THRA: variants seen among roughly 807,000 people sequenced by gnomAD.
The protein encoded by THRA is EAR-7.
A neutral mutation model predicts 45.0 loss-of-function variants in THRA; 13 were observed. The observed-to-expected ratio is 0.29, with a 90% confidence interval of 0.19 to 0.46. The LOEUF is 0.46. THRA is among the 20% of genes least tolerant of loss of function. The probability of loss-of-function intolerance (pLI) is 1.00; values close to 1 mark genes in which losing one functional copy is unlikely to be tolerated. For missense variants in THRA, 278 were observed against 556.1 expected (o/e 0.50, Z 5.03); for synonymous variants, 195 against 214.0 (o/e 0.91, Z 0.78).
chr17:40,069,083 CCTCT>C (rs1986676967), intron 1 of THRA: 1 of 149,934 alleles, frequency 6.7e-6, no homozygotes, highest in African/African-American at 2.5e-5. Flanking sequence ...TCTCTCCCTC[CCTCT>C]CTCCCTCCCT....
rs1987490708 is a variant in THRA at position 40,090,442 on chromosome 17, C to T, written c.*986C>T. Reference sequence around the variant, plus strand: ...AGTGCCCAGCCCTAGGGGCCTCTCCCCATCCACCTCCTCCTTCCACACCTT... The same window carrying T: ...AGTGCCCAGCCCTAGGGGCCTCTCCTCATCCACCTCCTCCTTCCACACCTT... On this transcript the variant is annotated 3_prime_UTR_variant, in exon 9 of 9. Transcript: ENST00000450525. The T allele has an allele frequency of 6.6e-6, 1 of 152,500 alleles. No individual in the cohort carries two copies. Among genetic ancestry groups the T allele is most frequent in the African/African-American group, 2.4e-5 (1 of 41,426 alleles). The allele number at this position is 152,500 out of a possible 1,614,324, so 9.4% of individuals were successfully genotyped here.
chr17:40,070,985 C>T (rs1884769663), intron 1 of THRA, among the ~76,000 whole-genome samples: 2 of 151,788 alleles, frequency 1.3e-5, no homozygotes, highest in African/African-American at 4.8e-5. Context: ...TCTCTGGCTC[C>T]CCTTTCTTCC....
intron 1 of THRA, among the ~76,000 whole-genome samples, chr17:40,067,387 A>G (rs902574831): frequency 2.6e-5 from 4 of 152,214 alleles, no homozygotes; most frequent in Non-Finnish European, 4.4e-5. Flanking sequence ...AAGAGGAGGC[A>G]GTGCCCTTCC....
In THRA at chr17:40,089,435, C is replaced by G. The variant is rs1400441018; in HGVS notation, c.1212C>G (p.Val404=). 2 of 1,613,998 alleles carry G rather than the reference C, an allele frequency of 1.2e-6. No individual in the cohort carries two copies. Among genetic ancestry groups the G allele is most frequent in the Non-Finnish European group, 1.7e-6 (2 of 1,180,034 alleles). The change falls in exon 9 of 9, where the codon GTC becomes GTG. Residue 404 remains valine (V), a synonymous_variant. Transcript: ENST00000450525. The surrounding 1 kb of genome is among the most constrained non-coding windows in gnomAD (Gnocchi z 6.1). ...TCTTCCCCCCACTCTTCCTCGAGGT[C>G]TTTGAGGATCAGGAAGTCTAAAGCC... ...TELFPPLFLE[V]FEDQEV is the part of the protein sequence containing the mutation.
At chr17:40,077,922 TC>T (rs1183285308) in intron 4 of THRA, among the ~76,000 whole-genome samples, 1 of 152,146 alleles carries the variant, frequency 6.6e-6, no homozygotes, top group Non-Finnish European at 1.5e-5. Flanking sequence ...GGTCTCGAAC[TC>T]CTGACCTCAG....
intron 3 of THRA, 125 bp from the exon 4 acceptor site, chr17:40,077,383 A>C: frequency 1.3e-6 from 1 of 751,744 alleles, no homozygotes; most frequent in Non-Finnish European, 2.3e-6. Flanking sequence ...CTAGGATTCT[A>C]CCAGGGAGGC....
intron 7 of THRA, among the ~76,000 whole-genome samples, chr17:40,088,018 C>A (rs1987393173): frequency 6.6e-6 from 1 of 152,198 alleles, no homozygotes; most frequent in African/African-American, 2.4e-5. Context: ...GCCTTGGCCT[C>A]CCATAGTGCT....
chr17:40,086,682 A>G, intron 6 of THRA, 25 bp from the exon 7 acceptor site: 3 of 1,607,534 alleles, frequency 1.9e-6, no homozygotes, highest in Non-Finnish European at 2.6e-6. Flanking sequence ...CTGCGGCCCC[A>G]GCTGACCCCC....
intron 1 of THRA, among the ~76,000 whole-genome samples, chr17:40,065,463 G>C (rs1275013672): frequency 6.6e-6 from 1 of 152,098 alleles, no homozygotes; most frequent in Non-Finnish European, 1.5e-5. Flanking sequence ...CTGTTGCTCT[G>C]TCTTGCAGTG....
chr17:40,072,570 C>A (rs1440543015), intron 1 of THRA, among the ~76,000 whole-genome samples: 1 of 152,116 alleles, frequency 6.6e-6, no homozygotes, highest in East Asian at 1.9e-4. Flanking sequence ...GACACCCAGA[C>A]CCGGAGAGAG....
chr17:40,082,758 C>CCTTTTTT (rs1389256940), intron 4 of THRA, among the ~76,000 whole-genome samples: 1 of 67,516 alleles, frequency 1.5e-5, no homozygotes. Context: ...GAATCGCATG[C>CCTTTTTT]TTTTTTTTTT....
chr17:40,066,832 T>A (rs1285200088), intron 1 of THRA, among the ~76,000 whole-genome samples: 1 of 152,212 alleles, frequency 6.6e-6, no homozygotes, highest in Non-Finnish European at 1.5e-5. Flanking sequence ...GCTGGATGTG[T>A]GACTTTGAGC....
intron 7 of THRA, among the ~76,000 whole-genome samples, 189 bp from the exon 8 acceptor site, chr17:40,088,053 G>A (rs956827833): frequency 2.0e-5 from 3 of 152,152 alleles, no homozygotes; most frequent in Non-Finnish European, 2.9e-5. Flanking sequence ...GAGCCACTGC[G>A]CCGGGCCTCA....
At chr17:40,071,366 G>A (rs529596696) in intron 1 of THRA, among the ~76,000 whole-genome samples, 12 of 152,332 alleles carry the variant, frequency 7.9e-5, no homozygotes, top group South Asian at 2.1e-4. Flanking sequence ...AGAGTGGGAC[G>A]GCTCGGCAGT....
At chr17:40,077,810 C>A (rs926518500) in intron 4 of THRA, among the ~76,000 whole-genome samples, 3 of 152,102 alleles carry the variant, frequency 2.0e-5, no homozygotes, top group African/African-American at 7.2e-5. Context: ...GATTCCCCTA[C>A]CTCGGCCTCC....
At chr17:40,065,229 G>A (rs1013854656) in intron 1 of THRA, among the ~76,000 whole-genome samples, 1 of 152,004 alleles carries the variant, frequency 6.6e-6, no homozygotes, top group Admixed American at 6.5e-5. Flanking sequence ...AAAAGCTCAG[G>A]GGTGTCTAAC....
At chr17:40,071,720 G>T (rs1194687989) in intron 1 of THRA, among the ~76,000 whole-genome samples, 1 of 152,190 alleles carries the variant, frequency 6.6e-6, no homozygotes, top group Non-Finnish European at 1.5e-5. Context: ...CTTCAGGGTG[G>T]GTACCCCTGC....
chr17:40,093,012 T>A, downstream of THRA: 1 of 1,601,334 alleles, frequency 6.2e-7, no homozygotes. This position sits in a 1 kb window ranked among gnomAD's most constrained non-coding sequence, Gnocchi z 5.9. Flanking sequence ...CCTTTTCGTC[T>A]CGTAAAGGAG....
chr17:40,089,956 A>C lies in THRA; in HGVS notation c.*500A>C. 1.0e-6 allele frequency: 1 copy of C among 992,122 alleles called. No homozygotes were observed. Among genetic ancestry groups the C allele is most frequent in the African/African-American group, 1.7e-5 (1 of 57,444 alleles). The allele number at this position is 992,122 out of a possible 1,614,324, so 61.5% of individuals were successfully genotyped here. ...CGGCTTGGCTTGGCTCCTCCTCTGGAGGTTAAAATTTATAGTCATTCTAAC... is the reference window on the plus strand; with the variant it reads ...CGGCTTGGCTTGGCTCCTCCTCTGGCGGTTAAAATTTATAGTCATTCTAAC... On this transcript the variant is annotated 3_prime_UTR_variant, in exon 9 of 9. Transcript: ENST00000450525. The surrounding 1 kb of genome is among the most constrained non-coding windows in gnomAD (Gnocchi z 6.1).
Sources: gnomAD v4.1 joint callset for allele counts (sites outside exome capture counted in the v4.1 genomes callset) on GRCh38, gnomAD v4.1.1 for gene constraint, Gnocchi (gnomAD v3.1) non-coding constraint, MANE v1.5 for transcripts, NCBI Gene and HGNC (gene_info 2026-07-23, HGNC 2026-07-21) for gene names.